Variants in PIPOX observed in about 807,000 individuals in gnomAD.
PIPOX encodes peroxisomal sarcosine oxidase.
Under a neutral mutation model 47.9 loss-of-function variants are expected in PIPOX, and 45 were observed. That is an observed-to-expected ratio of 0.94 (90% confidence interval 0.74 to 1.20). The LOEUF (loss-of-function observed/expected upper bound fraction) is 1.20, where lower values mean the gene tolerates loss of function less well. Among genes scored for constraint, PIPOX ranks in the 50% most tolerant of loss-of-function variants. The pLI is 0.00. For missense variants in PIPOX, 458 were observed against 498.4 expected (o/e 0.92, Z 0.77); for synonymous variants, 165 against 191.3 (o/e 0.86, Z 1.13).
intron 2 of PIPOX, among the ~76,000 whole-genome samples, chr17:29,051,373 C>T (rs773052633): frequency 1.3e-5 from 2 of 152,182 alleles, no homozygotes; most frequent in South Asian, 2.1e-4. Context: ...CCAGGGCCCA[C>T]GGTGTCCCTA....
At chr17:29,048,443 G>T (rs1649715519) in intron 2 of PIPOX, among the ~76,000 whole-genome samples, 1 of 152,194 alleles carries the variant, frequency 6.6e-6, no homozygotes, top group Non-Finnish European at 1.5e-5. Context: ...ACATGGGTGG[G>T]TTTGGGACAT....
At chr17:29,047,404 G>A (rs186551104) in intron 2 of PIPOX, among the ~76,000 whole-genome samples, 403 of 152,322 alleles carry the variant, frequency 2.6e-3, no homozygotes, top group Non-Finnish European at 4.6e-3. Context: ...GGTTGCTGCC[G>A]GGTAGTCAGG....
chr17:29,048,198 C>G (rs534088073), intron 2 of PIPOX, among the ~76,000 whole-genome samples: 1 of 152,244 alleles, frequency 6.6e-6, no homozygotes, highest in African/African-American at 2.4e-5. Context: ...CATTCTAATT[C>G]CTTTAGCTTT....
chr17:29,046,644 T>C (rs752681935), intron 2 of PIPOX: 29 of 985,210 alleles, frequency 2.9e-5, no homozygotes, highest in Non-Finnish European at 3.5e-5. Flanking sequence ...AGGAGACAGA[T>C]GGGTGCAACA....
chr17:29,046,604 C>G (rs538825642), intron 2 of PIPOX: 168 of 985,294 alleles, frequency 1.7e-4, no homozygotes, highest in South Asian at 9.4e-4. Flanking sequence ...GCATTCTGTT[C>G]CATTGAGCAA....
rs202127398 is a variant in PIPOX, at chr17:29,053,608, G to C, written c.660+13G>C. The C allele has an allele frequency of 6.4e-7, 1 of 1,564,052 alleles. No individual in the cohort carries two copies. On this transcript the variant is annotated intron_variant, in intron 4 of 7. Transcript: ENST00000323372. Reference sequence around the variant, plus strand: ...GATGCCTCTCCAGGTAAGAGGAGCTGGAAGCCCGAGAGTTGGTGCTCAAGA... The same window carrying C: ...GATGCCTCTCCAGGTAAGAGGAGCTCGAAGCCCGAGAGTTGGTGCTCAAGA...
In PIPOX at chr17:29,044,982, C is replaced by T. The variant is rs758347761; in HGVS notation, c.238C>T (p.His80Tyr). Residue 80 changes from histidine to tyrosine, a missense_variant, in exon 2 of 8, where the codon CAC (histidine) becomes TAC (tyrosine). Physicochemically the swap from His to Tyr is moderately conservative, Grantham distance 83 (BLOSUM62 2). Coordinates refer to ENST00000323372, the MANE Select transcript of PIPOX (RefSeq NM_016518.3). ...ECYQIWAQLE[H>Y]EAGTQLHRQT... is the part of the protein sequence containing the mutation. ...CTATCAGATATGGGCCCAGCTGGAG[C>T]ACGAGGCTGGAACCCAATTGCACAG... 12 of 1,610,684 alleles carry T rather than the reference C, an allele frequency of 7.5e-6. No individual in the cohort carries two copies. Among genetic ancestry groups the T allele is most frequent in the Non-Finnish European group, 1.0e-5 (12 of 1,178,424 alleles).
rs201834259 is a variant in PIPOX at position 29,055,121 on chromosome 17, G to T, written c.866G>T (p.Arg289Leu). 3.7e-6 allele frequency: 6 copies of T among 1,613,980 alleles called. No homozygotes were observed. In the African/African-American group the frequency reaches 4.0e-5, roughly 11 times the overall value. ...DPEERDCPTA[R>L]TDIGDVQILS... ...GAGGAGCGGGACTGCCCCACAGCAC[G>T]CACAGACATCGGAGACGTCCAGATC... The change falls in exon 6 of 8, where the codon CGC becomes CTC. Residue 289 changes from arginine to leucine, a missense_variant. Physicochemically the swap from Arg to Leu is moderately radical, Grantham distance 102. Coordinates refer to ENST00000323372, the MANE Select transcript of PIPOX (RefSeq NM_016518.3).
chr17:29,046,821 G>T (rs754112091), intron 2 of PIPOX: 44 of 923,104 alleles, frequency 4.8e-5, no homozygotes, highest in Non-Finnish European at 5.7e-5. Flanking sequence ...TCAGCTGTGT[G>T]GTTTGGAACG....
Position 29,056,131 on chromosome 17 carries a change from C to T in PIPOX, c.1043-44C>T, listed in dbSNP as rs115770786. 2.4e-4 allele frequency: 389 copies of T among 1,611,772 alleles called. No homozygotes were observed. The African/African-American group carries it at 4.8e-3, about 20-fold the overall frequency. Reference sequence around the variant, plus strand: ...GTAGGGGATGTCCAGAGAGCTCAACCTCTGTCTGTGAAGCTGCCTGAGAGT... The same window carrying T: ...GTAGGGGATGTCCAGAGAGCTCAACTTCTGTCTGTGAAGCTGCCTGAGAGT... On this transcript the variant is annotated intron_variant, in intron 7 of 7. Transcript: ENST00000323372.
chr17:29,046,858 G>C, intron 2 of PIPOX: 1 of 637,326 alleles, frequency 1.6e-6, no homozygotes, highest in Non-Finnish European at 2.0e-6. Context: ...GTGAGACTCA[G>C]CTTTTTTCAT....
At chr17:29,054,990 C>T (rs1445369613) in intron 5 of PIPOX, 73 bp from the exon 6 acceptor site, 40 of 1,572,166 alleles carry the variant, frequency 2.5e-5, no homozygotes, top group African/African-American at 1.5e-4. Context: ...CCTGTGTACA[C>T]GCCTGCCCTT....
chr17:29,053,655 G>A (rs900435997), intron 4 of PIPOX, 60 bp downstream of exon 4: 2 of 1,352,644 alleles, frequency 1.5e-6, no homozygotes, highest in Non-Finnish European at 2.0e-6. Context: ...ACCAGATGGA[G>A]TCAAATTTGA....
At chr17:29,052,083 G>A in intron 2 of PIPOX, 1 of 468,040 alleles carries the variant, frequency 2.1e-6, no homozygotes, top group East Asian at 7.0e-5. Context: ...TCTCAGTTTA[G>A]GACCCTTTCC....
chr17:29,055,251 C>T (rs758032660), intron 6 of PIPOX, 30 bp downstream of exon 6: 3 of 1,613,348 alleles, frequency 1.9e-6, no homozygotes, highest in East Asian at 2.2e-5. Flanking sequence ...TTGCTGGGCC[C>T]CCTCACCACT....
At chr17:29,047,077 A>G (rs953234700) in intron 2 of PIPOX, among the ~76,000 whole-genome samples, 7 of 152,168 alleles carry the variant, frequency 4.6e-5, no homozygotes, top group African/African-American at 1.7e-4. Flanking sequence ...ACCTGAAGTC[A>G]GGAGTTAAAA....
intron 2 of PIPOX, among the ~76,000 whole-genome samples, chr17:29,045,687 G>A (rs1164770738): frequency 6.6e-6 from 1 of 152,028 alleles, no homozygotes; most frequent in Non-Finnish European, 1.5e-5. Context: ...GGGATTACAG[G>A]TGTGAGCCAC....
chr17:29,044,767 C>T (rs915532134), intron 1 of PIPOX, 92 bp from the exon 2 acceptor site: 12 of 1,311,984 alleles, frequency 9.1e-6, no homozygotes, highest in Non-Finnish European at 1.2e-5. Context: ...TAAATGGCTC[C>T]TGGTTGACAG....
At position 29,055,854 on chromosome 17, in the gene PIPOX, G is replaced by C; in HGVS notation, c.1008G>C (p.Lys336Asn). The change falls in exon 7 of 8, where the codon AAG (lysine) becomes AAC (asparagine). Residue 336 changes from lysine to asparagine, a missense_variant. Physicochemically the swap from Lys to Asn is moderately conservative, Grantham distance 94. Coordinates refer to ENST00000323372, the MANE Select transcript of PIPOX (RefSeq NM_016518.3). Reference protein sequence around the residue: ...DEQFILDRHPKYDNIVIGAGF... With the variant: ...DEQFILDRHPNYDNIVIGAGF... ...AGTTCATTCTCGATCGCCACCCAAA[G>C]TATGACAACATTGTCATTGGTGCTG... 6.2e-7 allele frequency: 1 copy of C among 1,613,992 alleles called. No homozygotes were observed. Among genetic ancestry groups the C allele is most frequent in the Non-Finnish European group, 8.5e-7 (1 of 1,179,880 alleles).
Sources: allele counts gnomAD v4.1 joint callset (sites outside exome capture counted in the v4.1 genomes callset), GRCh38; gene constraint gnomAD v4.1.1; transcripts MANE v1.5; gene names NCBI Gene and HGNC (gene_info 2026-07-23, HGNC 2026-07-21).